Variants in TRPM8 observed in about 807,000 individuals in gnomAD.
TRPM8 encodes TRPM8 cationic channel.
Under a neutral mutation model 133.7 loss-of-function variants are expected in TRPM8, and 110 were observed. The observed-to-expected ratio is 0.82, with a 90% CI of 0.70 to 0.96. TRPM8 has a LOEUF of 0.96. Among genes scored for constraint, TRPM8 ranks in the 40% least tolerant of loss-of-function variants. The pLI is 0.00. For missense variants in TRPM8, 1,291 were observed against 1,379.5 expected (o/e 0.94, Z 1.02); for synonymous variants, 535 against 532.3 (o/e 1.01, Z -0.07).
chr2:233,970,626 G>C, intron 17 of TRPM8, 200 bp downstream of exon 17: 1 of 595,712 alleles, frequency 1.7e-6, no homozygotes, highest in Non-Finnish European at 3.0e-6. Context: ...CTAGTACCAA[G>C]TTTATTCTTT....
chr2:233,995,184 C>T (rs982176715), intron 21 of TRPM8, among the ~76,000 whole-genome samples: 2 of 152,154 alleles, frequency 1.3e-5, no homozygotes, highest in Admixed American at 1.3e-4. Flanking sequence ...TTTGTTGTGC[C>T]TCCATTTCCT....
At chr2:233,963,052 T>G (rs1559530948) in intron 12 of TRPM8, among the ~76,000 whole-genome samples, 1 of 152,330 alleles carries the variant, frequency 6.6e-6, no homozygotes, top group East Asian at 1.9e-4. Context: ...TTTTCACCCT[T>G]TATACCTTTT....
chr2:233,970,515 G>C, intron 17 of TRPM8, 89 bp downstream of exon 17: 1 of 1,271,280 alleles, frequency 7.9e-7, no homozygotes, highest in African/African-American at 1.5e-5. Context: ...TGCTTCTGAA[G>C]TTCAAAAGTC....
At chr2:233,980,161 T>A in intron 17 of TRPM8, 27 bp from the exon 18 acceptor site, 1 of 1,449,278 alleles carries the variant, frequency 6.9e-7, no homozygotes, top group Non-Finnish European at 9.6e-7. Flanking sequence ...GCTGCTGATG[T>A]CCCTCTCTGT....
intron 3 of TRPM8, among the ~76,000 whole-genome samples, chr2:233,932,366 A>C (rs1249326182): frequency 1.3e-5 from 2 of 152,236 alleles, no homozygotes; most frequent in African/African-American, 4.8e-5. Flanking sequence ...CAATTCCATC[A>C]AAAGTCCTGG....
At chr2:233,982,025 A>G (rs1271434454) in intron 19 of TRPM8, 110 bp downstream of exon 19, 1 of 1,213,834 alleles carries the variant, frequency 8.2e-7, no homozygotes, top group Admixed American at 2.7e-5. Flanking sequence ...TTTCACCATC[A>G]GTAACATTCG....
At chr2:233,951,549 C>T (rs189385182) in intron 9 of TRPM8, among the ~76,000 whole-genome samples, 2 of 152,298 alleles carry the variant, frequency 1.3e-5, no homozygotes, top group African/African-American at 2.4e-5. Flanking sequence ...GGCTACCACA[C>T]CCTTTATAAG....
At chr2:233,964,809 C>T (rs779450799) in intron 14 of TRPM8, 52 bp downstream of exon 14, 2 of 1,531,652 alleles carry the variant, frequency 1.3e-6, no homozygotes, top group Non-Finnish European at 1.8e-6. Flanking sequence ...CCATGTGGCA[C>T]AGACATTGCC....
intron 11 of TRPM8, among the ~76,000 whole-genome samples, chr2:233,955,888 T>C (rs1472937319): frequency 6.6e-6 from 1 of 152,178 alleles, no homozygotes; most frequent in African/African-American, 2.4e-5. Context: ...TTCAGTCCGA[T>C]CAGTGGCGGT....
intron 20 of TRPM8, among the ~76,000 whole-genome samples, chr2:233,984,655 A>G (rs529643281): frequency 6.6e-6 from 1 of 152,048 alleles, no homozygotes; most frequent in Non-Finnish European, 1.5e-5. Flanking sequence ...CTTAGGCACA[A>G]CCTCCTCACC....
rs777591540 is a variant in TRPM8 at position 233,955,258 on chromosome 2, C to T, written c.1362+8C>T. On this transcript the variant is annotated splice_region_variant and intron_variant, in intron 11 of 25. Coordinates refer to ENST00000324695, the MANE Select transcript of TRPM8 (RefSeq NM_024080.5). ...AATGACCGCCGATGGGAGGTAAGCA[C>T]GAAGCTCTCCTGGGTTATTCCAGTG... The T allele has an allele frequency of 6.2e-6, 10 of 1,605,392 alleles. No individual in the cohort carries two copies. The highest frequency in any genetic ancestry group is 4.4e-5 in the South Asian group (4 of 90,858).
At chr2:233,981,691 T>C in intron 18 of TRPM8, 83 bp from the exon 19 acceptor site, 2 of 1,435,196 alleles carry the variant, frequency 1.4e-6, no homozygotes, top group Non-Finnish European at 1.9e-6. Flanking sequence ...TGCCTGTTTC[T>C]TGAAATTGGG....
In TRPM8 at chr2:233,930,656, C is replaced by T. The variant is rs1334463133; in HGVS notation, c.118-12C>T. The T allele has an allele frequency of 1.3e-6, 2 of 1,576,662 alleles. No homozygotes were observed. Among genetic ancestry groups the T allele is most frequent in the East Asian group, 2.2e-5 (1 of 44,510 alleles). The stretch of plus-strand genomic sequence containing the variant: ...AATTAGTAATGTGTTATTCAATGTT[C>T]TCTCTCCAAAGGACTTGGTGAATTT... On this transcript the variant is annotated splice_polypyrimidine_tract_variant and intron_variant, in intron 2 of 25. Transcript: ENST00000324695.
At chr2:233,954,251 C>T (rs556225507) in intron 10 of TRPM8, among the ~76,000 whole-genome samples, 91 of 152,250 alleles carry the variant, frequency 6.0e-4, no homozygotes, top group African/African-American at 2.1e-3. Context: ...ACTGGTCAAA[C>T]AAAATCGCAG....
At chr2:233,996,729 C>T (rs1692412695) in intron 22 of TRPM8, among the ~76,000 whole-genome samples, 1 of 152,120 alleles carries the variant, frequency 6.6e-6, no homozygotes, top group Non-Finnish European at 1.5e-5. Context: ...GGATAGCCTG[C>T]TCTGTGGGGA....
Position 233,942,684 on chromosome 2 carries a change from T to C in TRPM8, c.635T>C (p.Ile212Thr). Residue 212 changes from isoleucine (I) to threonine (T), a missense_variant, in exon 6 of 26, where the codon ATT (isoleucine) becomes ACT (threonine). Transcript: ENST00000324695. ...SRSSEENIVA[I>T]GIAAWGMVSN... The stretch of plus-strand genomic sequence containing the variant: ...AGTTCAGAGGAGAATATTGTGGCCA[T>C]TGGCATAGCAGCTTGGGGCATGGTC... 6.2e-7 allele frequency: 1 copy of C among 1,614,180 alleles called. No individual in the cohort carries two copies. Among genetic ancestry groups the C allele is most frequent in the South Asian group, 1.1e-5 (1 of 91,080 alleles).
At chr2:233,983,602 C>G (rs1692070024) in intron 20 of TRPM8, among the ~76,000 whole-genome samples, 2 of 152,166 alleles carry the variant, frequency 1.3e-5, no homozygotes, top group African/African-American at 4.8e-5. Context: ...ATTGGAAAAT[C>G]CACATTGGAA....
At position 233,964,586 on chromosome 2, in the gene TRPM8, A is replaced by G. The variant is rs199516159; in HGVS notation, c.1750-42A>G. On this transcript the variant is annotated intron_variant, in intron 13 of 25. Transcript: ENST00000324695. ...AAAAAAAAAAAAAAAAAGAAAAGGA[A>G]AAAAAAGAATTAACCTTAAAATTCT... is the stretch of plus-strand genomic sequence containing the variant. 4.2e-4 allele frequency: 612 copies of G among 1,444,910 alleles called. 2 individuals carry two copies. The African/African-American group carries it at 6.4e-3, about 15-fold the overall frequency. 89.5% of individuals were successfully genotyped at this position (1,444,910 alleles called of 1,614,324 possible). A position where few individuals can be genotyped will look rare whatever the true frequency, so the allele number is the denominator to read the frequency against.
intron 17 of TRPM8, among the ~76,000 whole-genome samples, chr2:233,971,071 A>G (rs1691701728): frequency 6.6e-6 from 1 of 152,192 alleles, no homozygotes; most frequent in South Asian, 2.1e-4. Flanking sequence ...ATGAAAAGTC[A>G]TCCCAGAAAA....
Sources: gnomAD v4.1 joint callset for allele counts (sites outside exome capture counted in the v4.1 genomes callset) on GRCh38, gnomAD v4.1.1 for gene constraint, MANE v1.5 for transcripts, NCBI Gene and HGNC (gene_info 2026-07-23, HGNC 2026-07-21) for gene names.